The following FLT1 variants were observed in gnomAD, a reference collection of about 807,000 sequenced individuals.
FLT1 encodes fms related receptor tyrosine kinase 1.
In FLT1, 49 loss-of-function variants were observed where a neutral mutation model predicts 156.3. The ratio of observed to expected loss-of-function variants is 0.31; its 90% CI spans 0.25 to 0.40. The LOEUF (loss-of-function observed/expected upper bound fraction) is 0.40, where lower values mean the gene tolerates loss of function less well. Ranked by LOEUF, FLT1 falls within the 10% of genes least tolerant of loss-of-function variation. The pLI, the probability that FLT1 is intolerant of heterozygous loss-of-function variation, is 1.00. For missense variants in FLT1, 1,322 were observed against 1,637.2 expected, an observed-to-expected ratio of 0.81 and a Z score of 3.32; for synonymous variants, 594 against 583.8, an observed-to-expected ratio of 1.02 and a Z score of -0.25.
At chr13:28,478,655 T>A (rs1015001260) in intron 1 of FLT1, among the ~76,000 whole-genome samples, 4 of 152,194 alleles carry the variant, frequency 2.6e-5, no homozygotes, top group African/African-American at 9.6e-5. Context: ...AAAATGAATA[T>A]GTCATGGAGC....
At chr13:28,326,286 T>C (rs755787062) in intron 20 of FLT1, among the ~76,000 whole-genome samples, 1 of 152,152 alleles carries the variant, frequency 6.6e-6, no homozygotes, top group Non-Finnish European at 1.5e-5. Context: ...ATTCCCAGAT[T>C]TCATGAGAAG....
Position 28,322,592 on chromosome 13 carries a change from G to A in FLT1, c.2953+198C>T. The A allele has an allele frequency of 1.4e-6, 1 of 726,586 alleles. No homozygotes were observed. The highest frequency in any genetic ancestry group is 2.9e-4 in the Middle Eastern group (1 of 3,422). 45.0% of individuals were successfully genotyped at this position (726,586 alleles called of 1,614,324 possible). A position where few individuals can be genotyped will look rare whatever the true frequency, so the allele number is the denominator to read the frequency against. The stretch of plus-strand genomic sequence containing the variant: ...TCCATTAAGATGAAAATCCCTGAGG[G>A]GAGAAAACGGTACAGTTCCCTGTCA... On this transcript the variant is annotated intron_variant, in intron 21 of 29. Coordinates refer to ENST00000282397, the MANE Select transcript of FLT1 (RefSeq NM_002019.4). The surrounding 1 kb of genome is among the most constrained non-coding windows in gnomAD (Gnocchi z 4.3).
At position 28,301,408 on chromosome 13, in the gene FLT1, G is replaced by A. The variant is rs1241894402; in HGVS notation, c.*1759C>T. 1.7e-5 allele frequency: 4 copies of A among 233,044 alleles called. No individual in the cohort carries two copies. The highest frequency in any genetic ancestry group is 1.7e-4 in the Admixed American group (3 of 17,776). 14.4% of individuals were successfully genotyped at this position (233,044 alleles called of 1,614,324 possible). Reference sequence around the variant, plus strand: ...TCTGGCTAGTGAGTCTTCCACAAAAGCCGCTGCCAGGAGCCAGTAGGCTCA... The same window carrying A: ...TCTGGCTAGTGAGTCTTCCACAAAAACCGCTGCCAGGAGCCAGTAGGCTCA... On this transcript the variant is annotated 3_prime_UTR_variant, in exon 30 of 30. Coordinates refer to ENST00000282397, the MANE Select transcript of FLT1 (RefSeq NM_002019.4).
At chr13:28,402,421 C>G (rs1242109109) in intron 11 of FLT1, among the ~76,000 whole-genome samples, 1 of 152,084 alleles carries the variant, frequency 6.6e-6, no homozygotes, top group Non-Finnish European at 1.5e-5. Context: ...TTTTTTCACA[C>G]CCACAAAAAG....
At position 28,319,456 on chromosome 13, in the gene FLT1, A is replaced by AC; in HGVS notation, c.3252_3253insG (p.Tyr1085ValfsTer23). Reference sequence around the variant, plus strand: ...AAGATTTCCCACAGCAATACTCCGTAAGACCACACGTCGCTCTTGGTGCTG... The same window carrying AC: ...AAGATTTCCCACAGCAATACTCCGTACAGACCACACGTCGCTCTTGGTGCTG... On this transcript the variant is annotated frameshift_variant, in exon 24 of 30. Coordinates refer to ENST00000282397, the MANE Select transcript of FLT1 (RefSeq NM_002019.4). LOFTEE classifies it high-confidence loss of function. 1 of 1,613,634 alleles carries AC rather than the reference A, an allele frequency of 6.2e-7. No homozygotes were observed. The highest frequency in any genetic ancestry group is 8.5e-7 in the Non-Finnish European group (1 of 1,179,582).
At chr13:28,395,363 G>A (rs749180966) in intron 12 of FLT1, among the ~76,000 whole-genome samples, 1 of 152,106 alleles carries the variant, frequency 6.6e-6, no homozygotes, top group Non-Finnish European at 1.5e-5. Context: ...CCTTCTCAGA[G>A]GCTTACAGCT....
At chr13:28,472,426 G>A (rs1338759406) in intron 1 of FLT1, among the ~76,000 whole-genome samples, 1 of 152,192 alleles carries the variant, frequency 6.6e-6, no homozygotes, top group African/African-American at 2.4e-5. Context: ...ACAGCCTTGA[G>A]GTCACTTGTA....
chr13:28,448,088 T>A (rs560228522), intron 3 of FLT1, among the ~76,000 whole-genome samples: 13 of 152,262 alleles, frequency 8.5e-5, no homozygotes, highest in African/African-American at 3.1e-4. Flanking sequence ...AAAATGGCTA[T>A]AATAAAAAAG....
At chr13:28,464,376 C>T (rs761947563) in intron 3 of FLT1, among the ~76,000 whole-genome samples, 5 of 152,208 alleles carry the variant, frequency 3.3e-5, no homozygotes, top group East Asian at 3.8e-4. Flanking sequence ...CATGACCTAA[C>T]GGCCACTGCT....
intron 10 of FLT1, among the ~76,000 whole-genome samples, chr13:28,412,350 C>CTTTCTTTCTTTCTTTCTTTCTTTCTTTT (rs71086853): frequency 4.3e-5 from 4 of 93,706 alleles, no homozygotes; most frequent in Admixed American, 2.1e-4. Context: ...TTCTTTCTTT[C>CTTTCTTTCTTTCTTTCTTTCTTTCTTTT]TCTTTCTTTC....
chr13:28,412,232 G>A (rs906943172), intron 10 of FLT1, among the ~76,000 whole-genome samples: 14 of 152,170 alleles, frequency 9.2e-5, no homozygotes, highest in African/African-American at 3.1e-4. Flanking sequence ...AAACATTAGC[G>A]ATTGTGTGTC....
In FLT1 at chr13:28,300,892, T is replaced by G; in HGVS notation, c.*2275A>C. ...GTTTCAATTTTCAGTGCTATTTTAA[T>G]GAACAAGCACTTTGTAACTAGCTCA... On this transcript the variant is annotated 3_prime_UTR_variant, in exon 30 of 30. Transcript: ENST00000282397. 4.3e-6 allele frequency: 1 copy of G among 233,238 alleles called. No individual in the cohort carries two copies. The highest frequency in any genetic ancestry group is 8.5e-6 in the Non-Finnish European group (1 of 118,000). The allele number at this position is 233,238 out of a possible 1,614,324, so 14.4% of individuals were successfully genotyped here. A position where few individuals can be genotyped will look rare whatever the true frequency, so the allele number is the denominator to read the frequency against.
Position 28,303,260 on chromosome 13 carries a change from G to A in FLT1, c.3924C>T (p.Thr1308=), listed in dbSNP as rs1870590060. The A allele has an allele frequency of 1.2e-6, 2 of 1,614,010 alleles. No individual in the cohort carries two copies. Among genetic ancestry groups the A allele is most frequent in the East Asian group, 2.2e-5 (1 of 44,870 alleles). Residue 1308 remains threonine, a synonymous_variant, in exon 30 of 30, where the codon ACC becomes ACT. Coordinates refer to ENST00000282397, the MANE Select transcript of FLT1 (RefSeq NM_002019.4). Reference sequence around the variant, plus strand: ...TCCTTTCCAGCTCAGCGTGGTCGTAGGTGAACCTGCGCTTGCCTTCGCTGA... The same window carrying A: ...TCCTTTCCAGCTCAGCGTGGTCGTAAGTGAACCTGCGCTTGCCTTCGCTGA... ...GHVSEGKRRF[T]YDHAELERKI... is the part of the protein sequence containing the mutation.
At chr13:28,326,850 GC>G (rs1157207583) in intron 20 of FLT1, among the ~76,000 whole-genome samples, 3 of 152,094 alleles carry the variant, frequency 2.0e-5, no homozygotes, top group Admixed American at 1.3e-4. Context: ...AACCTTGTTT[GC>G]CCTTAGGTCT....
chr13:28,309,200 A>G (rs7996030), intron 27 of FLT1, among the ~76,000 whole-genome samples: 105,103 of 152,120 alleles, frequency 0.69, 39,555 homozygotes, highest in East Asian at 1. Context: ...AATGCCAGAC[A>G]TAGGAGAGAC....
At chr13:28,339,538 T>C (rs1035550983) in intron 16 of FLT1, among the ~76,000 whole-genome samples, 1 of 152,206 alleles carries the variant, frequency 6.6e-6, no homozygotes, top group Admixed American at 6.5e-5. Flanking sequence ...CCATCCTATC[T>C]TGGATAACAT....
chr13:28,348,042 A>G (rs905182850), intron 15 of FLT1, among the ~76,000 whole-genome samples: 1 of 152,258 alleles, frequency 6.6e-6, no homozygotes, highest in Non-Finnish European at 1.5e-5. Context: ...CCCCGCCACA[A>G]AGTTATCTTT....
intron 1 of FLT1, among the ~76,000 whole-genome samples, chr13:28,472,454 T>A (rs73158198): frequency 6.6e-6 from 1 of 152,214 alleles, no homozygotes; most frequent in Admixed American, 6.5e-5. Context: ...AGACTCTCAA[T>A]GTAAAGTCTG....
At chr13:28,380,401 C>T (rs955303156) in intron 14 of FLT1, among the ~76,000 whole-genome samples, 8 of 152,104 alleles carry the variant, frequency 5.3e-5, no homozygotes, top group Non-Finnish European at 7.4e-5. Context: ...GGGAATATTA[C>T]GTATGGAACT....
Sources: gnomAD v4.1 joint callset for allele counts (sites outside exome capture counted in the v4.1 genomes callset) on GRCh38, gnomAD v4.1.1 for gene constraint, Gnocchi (gnomAD v3.1) non-coding constraint, MANE v1.5 for transcripts, NCBI Gene and HGNC (gene_info 2026-07-23, HGNC 2026-07-21) for gene names.